Variants in ANTXRL observed in about 807,000 individuals in gnomAD.
The protein encoded by ANTXRL is anthrax toxin receptor-like.
In ANTXRL, 63 loss-of-function variants were observed where a neutral mutation model predicts 75.4. The ratio of observed to expected loss-of-function variants is 0.84; its 90% CI spans 0.68 to 1.03. ANTXRL has a LOEUF of 1.03. Ranked by LOEUF, ANTXRL falls within the 50% of genes least tolerant of loss-of-function variation. The pLI is 0.00. For missense variants in ANTXRL, 797 were observed against 789.4 expected (o/e 1.01, Z -0.12); for synonymous variants, 335 against 291.3 (o/e 1.15, Z -1.53).
In ANTXRL at chr10:46,302,833, C is replaced by T. The variant is rs1554960904; in HGVS notation, c.895+13C>T. 1.3e-6 allele frequency: 2 copies of T among 1,505,182 alleles called. No homozygotes were observed. Among genetic ancestry groups the T allele is most frequent in the Admixed American group, 2.0e-5 (1 of 50,942 alleles). The allele number at this position is 1,505,182 out of a possible 1,614,324, so 93.2% of individuals were successfully genotyped here. A position where few individuals can be genotyped will look rare whatever the true frequency, so the allele number is the denominator to read the frequency against. On this transcript the variant is annotated intron_variant, in intron 10 of 16. Coordinates refer to ENST00000620264, the MANE Select transcript of ANTXRL (RefSeq NM_001278688.3). Reference sequence around the variant, plus strand: ...AGCACTATCATTGGTAAGTTGTCTCCTCTGTGCCTCTGAGTCACGTATTTC... The same window carrying T: ...AGCACTATCATTGGTAAGTTGTCTCTTCTGTGCCTCTGAGTCACGTATTTC...
At chr10:46,305,574 C>T (rs1314512764) in intron 10 of ANTXRL, among the ~76,000 whole-genome samples, 2 of 152,166 alleles carry the variant, frequency 1.3e-5, no homozygotes, top group African/African-American at 4.8e-5. Context: ...AGCCGGGGTC[C>T]TGGCAGCCGA....
intron 12 of ANTXRL, chr10:46,308,580 C>A: frequency 2.6e-6 from 1 of 390,356 alleles, no homozygotes. Flanking sequence ...GCTTATACCC[C>A]ATGTGGCCCT....
rs117220923 is a variant in ANTXRL at position 46,315,094 on chromosome 10, C to T, written c.1410+1778C>T. Among the ~76,000 whole-genome samples, 541 of 152,294 alleles carry T rather than the reference C, an allele frequency of 3.6e-3. 2 individuals are homozygous for T. Among genetic ancestry groups the T allele is most frequent in the Non-Finnish European group, 5.3e-3 (360 of 68,030 alleles). ...GCCTTCGGTGTGCTGGCCCTAGGGT[C>T]TAACATGAATCATGCACTAAAGAGG... On this transcript the variant is annotated intron_variant, in intron 16 of 16. Transcript: ENST00000620264.
At chr10:46,288,687 G>C (rs1426832170) in intron 1 of ANTXRL, among the ~76,000 whole-genome samples, 3 of 152,154 alleles carry the variant, frequency 2.0e-5, no homozygotes, top group Non-Finnish European at 4.4e-5. Flanking sequence ...ACCTTGCCAA[G>C]TGTGATGAGG....
At chr10:46,313,197 C>G in intron 15 of ANTXRL, 39 bp from the exon 16 acceptor site, 1 of 1,518,606 alleles carries the variant, frequency 6.6e-7, no homozygotes, top group Non-Finnish European at 8.8e-7. Context: ...AGGCAGTGTC[C>G]AAGCTGCATG....
At chr10:46,297,749 G>T in intron 7 of ANTXRL, 82 bp from the exon 8 acceptor site, 1 of 1,250,782 alleles carries the variant, frequency 8.0e-7, no homozygotes, top group South Asian at 1.3e-5. Context: ...AAGCATGAGG[G>T]CAAGACACTG....
chr10:46,308,402 T>TTC, intron 12 of ANTXRL: 1 of 246,458 alleles, frequency 4.1e-6, no homozygotes, highest in South Asian at 2.9e-5. Flanking sequence ...CCCTGCCCCT[T>TTC]CCCTCCCCTC....
intron 16 of ANTXRL, 129 bp downstream of exon 16, chr10:46,313,445 C>A: frequency 1.0e-6 from 1 of 969,044 alleles, no homozygotes; most frequent in Non-Finnish European, 1.6e-6. Context: ...ACAAGACACA[C>A]AGAAACGGTG....
intron 2 of ANTXRL, among the ~76,000 whole-genome samples, chr10:46,293,377 TGTGAGTGTGTGCCTGTGTGTGTGA>T (rs1176441126): frequency 1.4e-5 from 2 of 142,746 alleles, no homozygotes; most frequent in Non-Finnish European, 3.1e-5. Context: ...TGTGCCTGTG[TGTGAGTGTGTGCCTGTGTGTGTGA>T]GTGTGTGCCT....
At chr10:46,304,921 A>G (rs1323162104) in intron 10 of ANTXRL, among the ~76,000 whole-genome samples, 2 of 152,128 alleles carry the variant, frequency 1.3e-5, no homozygotes, top group Non-Finnish European at 1.5e-5. Context: ...GGAGCTTACC[A>G]TCTACATCTC....
chr10:46,315,901 AGT>A lies in ANTXRL; in HGVS notation c.1410+2590_1410+2591del, dbSNP rs557139800. Among the ~76,000 whole-genome samples, 34 of 152,270 alleles carry A rather than the reference AGT, an allele frequency of 2.2e-4. No individual in the cohort carries two copies. The East Asian group carries it at 6.6e-3, about 29-fold the overall frequency. ...TAATTTCAATTTTTGTTTTAAATTG[AGT>A]GTGTCTCCCTGCTCCATCACCTTCA... On this transcript the variant is annotated intron_variant, in intron 16 of 16. Coordinates refer to ENST00000620264, the MANE Select transcript of ANTXRL (RefSeq NM_001278688.3).
At chr10:46,296,126 C>T (rs1837362086) in intron 4 of ANTXRL, 26 bp downstream of exon 4, 2 of 1,533,558 alleles carry the variant, frequency 1.3e-6, no homozygotes, top group African/African-American at 1.4e-5. Flanking sequence ...TCTCCTAACC[C>T]TAACCCTAAC....
rs1406331456 is a variant in ANTXRL at position 46,287,609 on chromosome 10, G to A, written c.248+99G>A. 43 of 1,434,496 alleles carry A rather than the reference G, an allele frequency of 3.0e-5. No individual in the cohort carries two copies. In the East Asian group the frequency reaches 5.5e-4, roughly 18 times the overall value. The allele number at this position is 1,434,496 out of a possible 1,614,324, so 88.9% of individuals were successfully genotyped here. ...ACCACTCAAGGAGATGCAAGCTTCC[G>A]TCACAGAAGCAGGGCCAAACTTTGG... is the stretch of plus-strand genomic sequence containing the variant. On this transcript the variant is annotated intron_variant, in intron 1 of 16. Transcript: ENST00000620264.
chr10:46,290,340 C>T (rs1434373635), intron 1 of ANTXRL, among the ~76,000 whole-genome samples: 3 of 152,206 alleles, frequency 2.0e-5, no homozygotes, highest in Non-Finnish European at 4.4e-5. Flanking sequence ...CCTCGCCCGG[C>T]CTGTTTATCT....
intron 15 of ANTXRL, among the ~76,000 whole-genome samples, chr10:46,312,575 T>C (rs1346477757): frequency 6.9e-6 from 1 of 145,042 alleles, no homozygotes; most frequent in African/African-American, 2.5e-5. Context: ...AGTGGGCATC[T>C]GGGGAAGCCA....
chr10:46,323,784 C>T (rs1554966008), intron 16 of ANTXRL, among the ~76,000 whole-genome samples: 1 of 152,074 alleles, frequency 6.6e-6, no homozygotes, highest in East Asian at 1.9e-4. Context: ...AGTCCTAAAG[C>T]TGGAGGCTGT....
Position 46,311,515 on chromosome 10 carries a change from A to G in ANTXRL, c.1179A>G (p.Pro393=). The G allele has an allele frequency of 6.5e-7, 1 of 1,531,886 alleles. No homozygotes were observed. Among genetic ancestry groups the G allele is most frequent in the Non-Finnish European group, 8.7e-7 (1 of 1,144,788 alleles). 94.9% of individuals were successfully genotyped at this position (1,531,886 alleles called of 1,614,324 possible). The part of the protein sequence containing the change: ...PPPVQKPEKE[P]EQEKPPSPPP... Reference sequence around the variant, plus strand: ...AGTTGTTTTTCTTTTTTTAGGAGCCAGAGCAGGAAAAACCACCATCACCAC... The same window carrying G: ...AGTTGTTTTTCTTTTTTTAGGAGCCGGAGCAGGAAAAACCACCATCACCAC... Residue 393 remains proline, a synonymous_variant, in exon 15 of 17, where the codon CCA becomes CCG. Coordinates refer to ENST00000620264, the MANE Select transcript of ANTXRL (RefSeq NM_001278688.3).
intron 16 of ANTXRL, among the ~76,000 whole-genome samples, chr10:46,317,295 A>C (rs1838779660): frequency 6.6e-6 from 1 of 152,178 alleles, no homozygotes; most frequent in Non-Finnish European, 1.5e-5. Flanking sequence ...ATTTCCAAGA[A>C]ACTATCAACA....
intron 15 of ANTXRL, 57 bp from the exon 16 acceptor site, chr10:46,313,179 C>A: frequency 1.4e-6 from 2 of 1,438,538 alleles, no homozygotes; most frequent in Non-Finnish European, 1.9e-6. Flanking sequence ...AGTCCTGATG[C>A]CTTCTGGAGG....
Sources: allele counts gnomAD v4.1 joint callset (sites outside exome capture counted in the v4.1 genomes callset), GRCh38; gene constraint gnomAD v4.1.1; transcripts MANE v1.5; gene names NCBI Gene and HGNC (gene_info 2026-07-23, HGNC 2026-07-21).